The following RASGEF1C variants were observed in gnomAD, a reference collection of about 807,000 sequenced individuals.
RASGEF1C encodes RasGEF domain family member 1C.
RASGEF1C carries 27 observed loss-of-function variants against 58.1 expected under a neutral mutation model. The ratio of observed to expected loss-of-function variants is 0.46; its 90% confidence interval spans 0.34 to 0.64. The LOEUF (loss-of-function observed/expected upper bound fraction) is 0.64, where lower values mean the gene tolerates loss of function less well. RASGEF1C is among the 30% of genes least tolerant of loss of function. RASGEF1C has a pLI of 0.01. For synonymous variants in RASGEF1C, 243 were observed against 246.3 expected, an observed-to-expected ratio of 0.99 and a Z score of 0.13; for missense variants, 502 against 605.1, an observed-to-expected ratio of 0.83 and a Z score of 1.79.
rs138683735 is a variant in RASGEF1C at position 180,120,095 on chromosome 5, G to A, written c.805-647C>T. Among the ~76,000 whole-genome samples the A allele has an allele frequency of 3.7e-3, 568 of 152,322 alleles. 15 individuals are homozygous for A. The highest frequency in any genetic ancestry group is 0.032 in the Admixed American group (488 of 15,312). On this transcript the variant is annotated intron_variant, in intron 7 of 13. Coordinates refer to ENST00000361132, the MANE Select transcript of RASGEF1C (RefSeq NM_175062.4). ...GAAGTGGGCTGGGCCGGTGGGGCCC[G>A]CGTTGCATTCTTTCCACACAGGTCG... is the stretch of plus-strand genomic sequence containing the variant.
At chr5:180,144,296 G>A (rs893000942) in intron 1 of RASGEF1C, among the ~76,000 whole-genome samples, 3 of 152,152 alleles carry the variant, frequency 2.0e-5, no homozygotes, top group East Asian at 3.9e-4. Flanking sequence ...CTGAAACCAC[G>A]TCCCAACAGC....
At chr5:180,186,297 A>G (rs764212903) in intron 1 of RASGEF1C, among the ~76,000 whole-genome samples, 2 of 152,190 alleles carry the variant, frequency 1.3e-5, no homozygotes, top group Non-Finnish European at 2.9e-5. Flanking sequence ...GAATCCACAA[A>G]GAAACTATTA....
chr5:180,174,496 GTGTC>G (rs1242813351), intron 1 of RASGEF1C, among the ~76,000 whole-genome samples: 2 of 150,288 alleles, frequency 1.3e-5, no homozygotes, highest in South Asian at 2.1e-4. Context: ...GTGCGCGTGT[GTGTC>G]TGTGTGTGCG....
chr5:180,148,191 G>A (rs1766688259), intron 1 of RASGEF1C, among the ~76,000 whole-genome samples: 1 of 152,012 alleles, frequency 6.6e-6, no homozygotes. Context: ...TGTTTACATG[G>A]AGTATCTTTT....
At chr5:180,192,185 GA>G (rs1756175453) in intron 1 of RASGEF1C, among the ~76,000 whole-genome samples, 1 of 152,138 alleles carries the variant, frequency 6.6e-6, no homozygotes, top group South Asian at 2.1e-4. Context: ...GATCACACGG[GA>G]AAATATCCTT....
chr5:180,140,616 C>A lies in RASGEF1C; in HGVS notation c.-6-2558G>T, dbSNP rs537257903. 5.4e-4 allele frequency among the ~76,000 whole-genome samples: 82 copies of A among 152,310 alleles called. 1 individual carries two copies. The highest frequency in any genetic ancestry group is 1.7e-3 in the Admixed American group (26 of 15,304). ...CACCACTCCCACCCCTCCCTGCAGGCGTGCTGGTGCAGACAGGCCAGGTGC... is the reference window on the plus strand; with the variant it reads ...CACCACTCCCACCCCTCCCTGCAGGAGTGCTGGTGCAGACAGGCCAGGTGC... On this transcript the variant is annotated intron_variant, in intron 1 of 13. Coordinates refer to ENST00000361132, the MANE Select transcript of RASGEF1C (RefSeq NM_175062.4).
chr5:180,127,538 G>A (rs1208033094), intron 6 of RASGEF1C, 71 bp downstream of exon 6: 5 of 1,450,718 alleles, frequency 3.4e-6, no homozygotes, highest in African/African-American at 1.4e-5. Flanking sequence ...GAGAAGGCTC[G>A]CGGGCTCCCC....
At chr5:180,140,549 A>G (rs547785249) in intron 1 of RASGEF1C, among the ~76,000 whole-genome samples, 10 of 152,270 alleles carry the variant, frequency 6.6e-5, no homozygotes, top group African/African-American at 2.4e-4. Context: ...CTGGCCCCTA[A>G]GAGAAGGTGA....
intron 1 of RASGEF1C, among the ~76,000 whole-genome samples, chr5:180,153,292 G>A (rs1355578923): frequency 6.6e-6 from 1 of 152,168 alleles, no homozygotes. Context: ...AGGTCTTTAT[G>A]GCCCACCCTG....
At chr5:180,133,879 C>T (rs1766420662) in intron 4 of RASGEF1C, among the ~76,000 whole-genome samples, 1 of 152,202 alleles carries the variant, frequency 6.6e-6, no homozygotes, top group Admixed American at 6.5e-5. Flanking sequence ...CCTCACAGCC[C>T]TCATTTAGTG....
chr5:180,145,749 G>A (rs1312409362), intron 1 of RASGEF1C, among the ~76,000 whole-genome samples: 6 of 152,178 alleles, frequency 3.9e-5, no homozygotes, highest in East Asian at 1.9e-4. Flanking sequence ...AAGAGAAGCC[G>A]TGGCGTTTCA....
chr5:180,148,274 G>C (rs1456466236), intron 1 of RASGEF1C, among the ~76,000 whole-genome samples: 1 of 151,972 alleles, frequency 6.6e-6, no homozygotes, highest in Non-Finnish European at 1.5e-5. Flanking sequence ...TATATAGTTG[G>C]ATCTTTTTTA....
chr5:180,159,123 GT>G (rs887376093), intron 1 of RASGEF1C, among the ~76,000 whole-genome samples: 40 of 143,382 alleles, frequency 2.8e-4, no homozygotes, highest in African/African-American at 1.0e-3. Flanking sequence ...TTAGTAACAA[GT>G]TTTTTTTTAA....
intron 12 of RASGEF1C, among the ~76,000 whole-genome samples, chr5:180,102,663 G>GGGTTT (rs565045109): frequency 2.1e-4 from 24 of 112,474 alleles, no homozygotes; most frequent in Admixed American, 1.9e-3. Flanking sequence ...TTCCTCCATT[G>GGGTTT]GGTTTTGTTT....
At position 180,121,104 on chromosome 5, in the gene RASGEF1C, AT is replaced by A; in HGVS notation, c.759del (p.Lys253AsnfsTer26). On this transcript the variant is annotated frameshift_variant, in exon 7 of 14. Coordinates refer to ENST00000361132, the MANE Select transcript of RASGEF1C (RefSeq NM_175062.4). LOFTEE classifies it high-confidence loss of function. ...ACCAGGTAGCACAGCCTGTTGAACCATTTCACATAAGCCTCCAGGTTGCTGG... is the reference window on the plus strand; with the variant it reads ...ACCAGGTAGCACAGCCTGTTGAACCATTCACATAAGCCTCCAGGTTGCTGG... ...DKTSNLEAYVKWFNRLCYLVA... is the reference protein window; with the variant it reads ...DKTSNLEAYVXWFNRLCYLVA... The A allele has an allele frequency of 6.2e-7, 1 of 1,614,112 alleles. No homozygotes were observed. Among genetic ancestry groups the A allele is most frequent in the Non-Finnish European group, 8.5e-7 (1 of 1,180,000 alleles).
intron 1 of RASGEF1C, among the ~76,000 whole-genome samples, chr5:180,174,561 TGTGCAC>T: frequency 6.6e-6 from 1 of 150,806 alleles, no homozygotes; most frequent in African/African-American, 2.4e-5. Flanking sequence ...TGTGTCTGTG[TGTGCAC>T]GTGTGTCTGT....
chr5:180,110,705 C>T (rs1765944883), intron 12 of RASGEF1C, among the ~76,000 whole-genome samples: 1 of 152,228 alleles, frequency 6.6e-6, no homozygotes, highest in Non-Finnish European at 1.5e-5. Flanking sequence ...ATGAATGGCA[C>T]TGCAGCAGAG....
At chr5:180,146,666 C>T (rs1304921731) in intron 1 of RASGEF1C, among the ~76,000 whole-genome samples, 2 of 152,004 alleles carry the variant, frequency 1.3e-5, no homozygotes, top group African/African-American at 2.4e-5. Flanking sequence ...AGGAATAAAC[C>T]TCCCTTGGTT....
chr5:180,103,927 T>C lies in RASGEF1C; in HGVS notation c.1304-1784A>G, dbSNP rs568765351. 2.0e-5 allele frequency among the ~76,000 whole-genome samples: 3 copies of C among 152,366 alleles called. 1 individual carries two copies. The highest frequency in any genetic ancestry group is 2.0e-4 in the Admixed American group (3 of 15,304). On this transcript the variant is annotated intron_variant, in intron 12 of 13. Transcript: ENST00000361132. The stretch of plus-strand genomic sequence containing the variant: ...CAAATGCCTTTTCTGCATTGATTAA[T>C]ATAATCATGTGTCTTTTCTTCTTTA...
Sources: allele counts gnomAD v4.1 joint callset (sites outside exome capture counted in the v4.1 genomes callset), GRCh38; gene constraint gnomAD v4.1.1; transcripts MANE v1.5; gene names NCBI Gene and HGNC (gene_info 2026-07-23, HGNC 2026-07-21).